Variants in IMPG1 observed in about 807,000 individuals in gnomAD.
IMPG1 encodes interphotoreceptor matrix proteoglycan 1, also known as interphotoreceptor matrix proteoglycan of 150 kDa.
Under a neutral mutation model 92.0 loss-of-function variants are expected in IMPG1, and 85 were observed. The ratio of observed to expected loss-of-function variants is 0.92; its 90% confidence interval spans 0.78 to 1.11. The LOEUF (loss-of-function observed/expected upper bound fraction) is 1.11, where lower values mean the gene tolerates loss of function less well. Among genes scored for constraint, IMPG1 ranks in the 50% least tolerant of loss-of-function variants. The pLI, the probability that IMPG1 is intolerant of heterozygous loss-of-function variation, is 0.00. For synonymous variants in IMPG1, 367 were observed against 334.1 expected (o/e 1.10, Z -1.08); for missense variants, 1,022 against 956.0 (o/e 1.07, Z -0.91).
Position 75,931,146 on chromosome 6 carries a change from G to T in IMPG1, c.2050C>A (p.Gln684Lys), listed in dbSNP as rs1582049090. The change falls in exon 15 of 17, where the codon CAA becomes AAA. Residue 684 changes from glutamine to lysine, a missense_variant. Physicochemically the swap from Gln to Lys is moderately conservative, Grantham distance 53. Around this residue, in one of 3 missense-constraint regions of IMPG1, gnomAD observed 332 missense variants for 346.2 expected, o/e 0.96. Transcript: ENST00000369950. ...GCCAGGAACTTGCAGGGATCTGCTT[G>T]ATCAGCTGTAAGAAATGGGGCAGAT... ...SYSLNIEPAD[Q>K]ADPCKFLACG... The T allele has an allele frequency of 1.2e-6, 2 of 1,611,544 alleles. No individual in the cohort carries two copies. The highest frequency in any genetic ancestry group is 2.2e-5 in the South Asian group (2 of 90,564).
chr6:76,027,266 GT>G, intron 4 of IMPG1, among the ~76,000 whole-genome samples: 1 of 152,290 alleles, frequency 6.6e-6, no homozygotes, highest in East Asian at 1.9e-4. Flanking sequence ...TGCTTTTTGG[GT>G]TTTGAGAACT....
At chr6:75,935,523 G>A (rs908256555) in intron 14 of IMPG1, among the ~76,000 whole-genome samples, 1 of 152,160 alleles carries the variant, frequency 6.6e-6, no homozygotes, top group Non-Finnish European at 1.5e-5. Context: ...TGGCTGCTGC[G>A]GGCAGCTGTG....
intron 12 of IMPG1, among the ~76,000 whole-genome samples, chr6:76,000,025 A>T (rs1277677674): frequency 6.6e-6 from 1 of 152,244 alleles, no homozygotes; most frequent in Admixed American, 6.5e-5. Flanking sequence ...TGGACAGGAC[A>T]TGGTACTATA....
intron 1 of IMPG1, among the ~76,000 whole-genome samples, chr6:76,043,947 G>A (rs1173818194): frequency 5.9e-5 from 9 of 152,196 alleles, no homozygotes; most frequent in Admixed American, 5.2e-4. Context: ...TTTCCCTTAG[G>A]TTTGGCTGAC....
intron 1 of IMPG1, among the ~76,000 whole-genome samples, chr6:76,060,454 C>G (rs1338111032): frequency 2.0e-5 from 3 of 152,156 alleles, no homozygotes; most frequent in Non-Finnish European, 4.4e-5. Flanking sequence ...ATTACCAGGG[C>G]TGTGCCAATC....
intron 1 of IMPG1, among the ~76,000 whole-genome samples, chr6:76,066,799 A>G (rs1784318054): frequency 6.6e-6 from 1 of 152,132 alleles, no homozygotes; most frequent in African/African-American, 2.4e-5. Flanking sequence ...CGTATGTCAG[A>G]CCACAAAACA....
chr6:75,953,915 A>G (rs1248088957), intron 12 of IMPG1, among the ~76,000 whole-genome samples: 1 of 152,190 alleles, frequency 6.6e-6, no homozygotes, highest in Non-Finnish European at 1.5e-5. Flanking sequence ...TTCTAGCTTC[A>G]TCCATGACCC....
intron 15 of IMPG1, among the ~76,000 whole-genome samples, chr6:75,925,690 C>T (rs1316909255): frequency 1.8e-5 from 2 of 111,466 alleles, no homozygotes; most frequent in Non-Finnish European, 3.9e-5. Flanking sequence ...TGTTTTGAGA[C>T]AGTCTCGCTC....
chr6:76,036,076 T>G (rs1033431645), intron 2 of IMPG1, among the ~76,000 whole-genome samples: 14 of 152,290 alleles, frequency 9.2e-5, no homozygotes, highest in Non-Finnish European at 1.8e-4. Flanking sequence ...TCCCATCTAC[T>G]TATTTATGTA....
chr6:76,000,363 C>A (rs1054822127), intron 12 of IMPG1, among the ~76,000 whole-genome samples: 4 of 152,234 alleles, frequency 2.6e-5, no homozygotes, highest in Non-Finnish European at 4.4e-5. Flanking sequence ...ATCACCACCT[C>A]AATCTAGTTC....
chr6:75,935,695 G>A (rs1265056838), intron 14 of IMPG1, among the ~76,000 whole-genome samples: 4 of 152,306 alleles, frequency 2.6e-5, no homozygotes, highest in African/African-American at 9.6e-5. Flanking sequence ...CACAGCCTGG[G>A]GGCCCGCCAT....
intron 1 of IMPG1, among the ~76,000 whole-genome samples, chr6:76,042,836 G>C (rs553253807): frequency 4.6e-5 from 7 of 152,206 alleles, no homozygotes; most frequent in African/African-American, 1.7e-4. Flanking sequence ...TTAGGGTTAG[G>C]TCTAGACTGC....
chr6:75,935,541 C>T (rs747321314), intron 14 of IMPG1, among the ~76,000 whole-genome samples: 9 of 152,166 alleles, frequency 5.9e-5, no homozygotes, highest in Non-Finnish European at 1.3e-4. Flanking sequence ...GTGGGGCCTC[C>T]TCGCCCTCCC....
chr6:75,976,738 C>T (rs181865117), intron 12 of IMPG1, among the ~76,000 whole-genome samples: 1 of 151,886 alleles, frequency 6.6e-6, no homozygotes, highest in Non-Finnish European at 1.5e-5. Flanking sequence ...GGTGAAACCT[C>T]GTCTCTACTA....
At chr6:76,058,627 A>C (rs550851151) in intron 1 of IMPG1, among the ~76,000 whole-genome samples, 1 of 152,326 alleles carries the variant, frequency 6.6e-6, no homozygotes, top group South Asian at 2.1e-4. Flanking sequence ...TCTTAACTAC[A>C]TTGTTATCAC....
chr6:76,044,765 G>C (rs1490416627), intron 1 of IMPG1, among the ~76,000 whole-genome samples: 4 of 152,062 alleles, frequency 2.6e-5, no homozygotes, highest in Admixed American at 2.6e-4. Context: ...CTTGGGAAGA[G>C]TATCTACTCT....
chr6:75,982,351 G>A (rs1005874558), intron 12 of IMPG1, among the ~76,000 whole-genome samples: 65 of 151,904 alleles, frequency 4.3e-4, no homozygotes, highest in African/African-American at 1.4e-3. Flanking sequence ...GACCAGCCTG[G>A]CCAGCATAGT....
intron 15 of IMPG1, among the ~76,000 whole-genome samples, chr6:75,925,492 C>T (rs1781534757): frequency 1.3e-5 from 2 of 151,932 alleles, no homozygotes; most frequent in Admixed American, 6.6e-5. Flanking sequence ...TCCTAGTGCT[C>T]ATGGGAAGAA....
At chr6:76,008,266 G>C (rs1361028598) in intron 8 of IMPG1, among the ~76,000 whole-genome samples, 1 of 152,100 alleles carries the variant, frequency 6.6e-6, no homozygotes, top group Non-Finnish European at 1.5e-5. Flanking sequence ...CCACCTGCTT[G>C]TGCATGAAAA....
Sources: allele counts gnomAD v4.1 joint callset (sites outside exome capture counted in the v4.1 genomes callset), GRCh38; gene constraint gnomAD v4.1.1; regional missense constraint gnomAD v4.1.1; transcripts MANE v1.5; gene names NCBI Gene and HGNC (gene_info 2026-07-23, HGNC 2026-07-21).